The following GEMIN5 variants were observed in gnomAD, a reference collection of about 807,000 sequenced individuals.
GEMIN5 encodes gem-associated protein 5.
A neutral mutation model predicts 176.9 loss-of-function variants in GEMIN5; 124 were observed. That is an observed-to-expected ratio of 0.70 (90% CI 0.61 to 0.81). The LOEUF (loss-of-function observed/expected upper bound fraction) is 0.81. GEMIN5 is among the 40% of genes least tolerant of loss of function. The pLI, the probability that GEMIN5 is intolerant of heterozygous loss-of-function variation, is 0.00. For synonymous variants in GEMIN5, 673 were observed against 665.2 expected (o/e 1.01, Z -0.18); for missense variants, 1,843 against 1,814.6 (o/e 1.02, Z -0.28).
rs192395528 is a variant in GEMIN5 at position 154,925,145 on chromosome 5, G to A, written c.1294-591C>T. 8.6e-5 allele frequency among the ~76,000 whole-genome samples: 13 copies of A among 152,016 alleles called. No homozygotes were observed. The East Asian group carries it at 1.4e-3, about 16-fold the overall frequency. ...GAAAAAAACAAATGAGTTCAAATAC[G>A]TAAATGATATGCATTATACACTGTC... On this transcript the variant is annotated intron_variant, in intron 8 of 27. Transcript: ENST00000285873.
chr5:154,890,064 G>A (rs1207199396), intron 26 of GEMIN5, among the ~76,000 whole-genome samples: 1 of 152,226 alleles, frequency 6.6e-6, no homozygotes, highest in Non-Finnish European at 1.5e-5. Context: ...CACAGTGGCT[G>A]CATCATTTTA....
Position 154,891,406 on chromosome 5 carries a change from C to G in GEMIN5, c.4097G>C (p.Ser1366Thr). 6.2e-7 allele frequency: 1 copy of G among 1,614,148 alleles called. No homozygotes were observed. Among genetic ancestry groups the G allele is most frequent in the South Asian group, 1.1e-5 (1 of 91,086 alleles). The change falls in exon 26 of 28, where the codon AGT becomes ACT. Residue 1366 changes from serine to threonine, a missense_variant. By Grantham distance (58) the Ser-to-Thr change is moderately conservative (BLOSUM62 1). Coordinates refer to ENST00000285873, the MANE Select transcript of GEMIN5 (RefSeq NM_015465.5). ...FKELFSEKHA[S>T]LQNSQRTVAE... ...AACAGTTCTCTGTGAGTTTTGGAGA[C>G]TGGCATGCTTTTCTGAAAAGAGCTC...
intron 16 of GEMIN5, among the ~76,000 whole-genome samples, chr5:154,906,719 A>C (rs994972934): frequency 2.0e-5 from 3 of 152,212 alleles, no homozygotes; most frequent in African/African-American, 7.2e-5. Context: ...TGATGAGCCA[A>C]AATAATAAAT....
chr5:154,921,530 T>C lies in GEMIN5; in HGVS notation c.1380-105A>G, dbSNP rs1305184205. 6.2e-6 allele frequency: 4 copies of C among 650,108 alleles called. No individual in the cohort carries two copies. The Admixed American group carries it at 9.7e-5, about 16-fold the overall frequency. 40.3% of individuals were successfully genotyped at this position (650,108 alleles called of 1,614,324 possible). A position where few individuals can be genotyped will look rare whatever the true frequency, so the allele number is the denominator to read the frequency against. On this transcript the variant is annotated intron_variant, in intron 9 of 27. Transcript: ENST00000285873. Reference sequence around the variant, plus strand: ...AGGTCCCCATTATAAACATAACTACTAATAATTGGAGAAAAATAATTCAAC... The same window carrying C: ...AGGTCCCCATTATAAACATAACTACCAATAATTGGAGAAAAATAATTCAAC...
chr5:154,925,865 T>A lies in GEMIN5; in HGVS notation c.1290A>T (p.Thr430=). The A allele has an allele frequency of 6.3e-7, 1 of 1,590,412 alleles. No homozygotes were observed. Among genetic ancestry groups the A allele is most frequent in the South Asian group, 1.1e-5 (1 of 90,302 alleles). The change falls in exon 8 of 28, where the codon ACA becomes ACT. Residue 430 remains threonine, a synonymous_variant. Coordinates refer to ENST00000285873, the MANE Select transcript of GEMIN5 (RefSeq NM_015465.5). ...NFWQGVKSKV[T]ALCWHPTKEG... ...AGCTCAAAAAAAGAATCCTTACCGC[T>A]GTAACCTTGGACTTCACGCCTTGCC...
In GEMIN5 at chr5:154,932,110, T is replaced by C. The variant is rs762390787; in HGVS notation, c.650A>G (p.Glu217Gly). ...TAAACCATCTCTACCTGAAGTTTCCTCTTGGTTTATAGATAAACAATCTTC... is the reference window on the plus strand; with the variant it reads ...TAAACCATCTCTACCTGAAGTTTCCCCTTGGTTTATAGATAAACAATCTTC... ...PGEDCLSINQEETSEEAEITN... is the reference protein window; with the variant it reads ...PGEDCLSINQGETSEEAEITN... The change falls in exon 4 of 28, where the codon GAG (glutamate) becomes GGG (glycine). Residue 217 changes from glutamate (E) to glycine (G), a missense_variant. Transcript: ENST00000285873. 28 of 1,612,932 alleles carry C rather than the reference T, an allele frequency of 1.7e-5. No individual in the cohort carries two copies. The highest frequency in any genetic ancestry group is 2.2e-5 in the Non-Finnish European group (26 of 1,179,456).
intron 23 of GEMIN5, among the ~76,000 whole-genome samples, chr5:154,897,820 T>G (rs1034998381): frequency 2.0e-5 from 3 of 152,126 alleles, no homozygotes; most frequent in African/African-American, 7.2e-5. Context: ...AGGCCAACCA[T>G]TCTCTCTTCA....
Position 154,892,285 on chromosome 5 carries a change from A to G in GEMIN5, c.3760+102T>C. Reference sequence around the variant, plus strand: ...TCTACTAAAATGACACAGCTGGCCAATCTCCATCTTTTAAGAATCTAGGTA... The same window carrying G: ...TCTACTAAAATGACACAGCTGGCCAGTCTCCATCTTTTAAGAATCTAGGTA... On this transcript the variant is annotated intron_variant, in intron 25 of 27. Coordinates refer to ENST00000285873, the MANE Select transcript of GEMIN5 (RefSeq NM_015465.5). 6 of 933,490 alleles carry G rather than the reference A, an allele frequency of 6.4e-6. No homozygotes were observed. In the South Asian group the frequency reaches 1.1e-4, roughly 16 times the overall value. The allele number at this position is 933,490 out of a possible 1,614,324, so 57.8% of individuals were successfully genotyped here. A position where few individuals can be genotyped will look rare whatever the true frequency, so the allele number is the denominator to read the frequency against.
intron 23 of GEMIN5, among the ~76,000 whole-genome samples, chr5:154,897,400 G>T (rs539540624): frequency 1.3e-5 from 2 of 152,298 alleles, no homozygotes; most frequent in East Asian, 3.9e-4. Flanking sequence ...AATCTGTTTT[G>T]ATGTGTCAAA....
intron 4 of GEMIN5, 56 bp downstream of exon 4, chr5:154,932,043 C>T (rs1764179608): frequency 8.1e-7 from 1 of 1,230,094 alleles, no homozygotes; most frequent in Non-Finnish European, 1.2e-6. Flanking sequence ...TATAATTGTA[C>T]CCGTTCTGTT....
chr5:154,913,912 G>A (rs371371931), intron 13 of GEMIN5, among the ~76,000 whole-genome samples: 1 of 152,316 alleles, frequency 6.6e-6, no homozygotes, highest in South Asian at 2.1e-4. Context: ...GAGGTGGGAG[G>A]ACGGCTTGAG....
Position 154,889,302 on chromosome 5 carries a change from G to A in GEMIN5, c.4359+19C>T, listed in dbSNP as rs1175223285. ...CACAAAAAGTGATGCTTTACCAAAT[G>A]AACTGCTTTAACTCTTACCTTAATG... On this transcript the variant is annotated intron_variant, in intron 27 of 27. Transcript: ENST00000285873. The A allele has an allele frequency of 7.9e-7, 1 of 1,262,602 alleles. No homozygotes were observed. The highest frequency in any genetic ancestry group is 1.5e-5 in the African/African-American group (1 of 68,622). 78.2% of individuals were successfully genotyped at this position (1,262,602 alleles called of 1,614,324 possible).
At chr5:154,928,734 A>G (rs1764098048) in intron 5 of GEMIN5, 75 bp from the exon 6 acceptor site, 2 of 1,337,652 alleles carry the variant, frequency 1.5e-6, no homozygotes, top group Non-Finnish European at 2.1e-6. Context: ...GTGGTTCATA[A>G]CACACAGTCT....
At chr5:154,909,553 TACC>T (rs66512779) in intron 15 of GEMIN5, among the ~76,000 whole-genome samples, 126,597 of 151,690 alleles carry the variant, frequency 0.83, 53,483 homozygotes, top group Non-Finnish European at 0.91. Flanking sequence ...ACAAAGTACC[TACC>T]ACCACCACAA....
At chr5:154,906,785 T>G (rs1763577347) in intron 16 of GEMIN5, among the ~76,000 whole-genome samples, 1 of 152,216 alleles carries the variant, frequency 6.6e-6, no homozygotes. Flanking sequence ...AGCTATCCCT[T>G]GGGATGGAGA....
At chr5:154,896,052 A>G (rs776137751) in intron 24 of GEMIN5, 40 bp downstream of exon 24, 1 of 1,605,342 alleles carries the variant, frequency 6.2e-7, no homozygotes, top group East Asian at 2.2e-5. Flanking sequence ...AAGTCTTACC[A>G]CTGAGTGATT....
intron 16 of GEMIN5, among the ~76,000 whole-genome samples, chr5:154,905,825 C>T (rs1354733603): frequency 1.3e-5 from 2 of 151,914 alleles, no homozygotes; most frequent in East Asian, 1.9e-4. Flanking sequence ...TGAGCCTCGC[C>T]AGTAGCTGGC....
chr5:154,925,939 C>T lies in GEMIN5; in HGVS notation c.1216G>A (p.Val406Ile). ...TTCTTTATGGAGAGTGTATTCCATA[C>T]ACGGATCATGCCATCCCCAACACCT... ...AIGVGDGMIR[V>I]WNTLSIKNNY... The change falls in exon 8 of 28, where the codon GTA (valine) becomes ATA (isoleucine). Residue 406 changes from valine to isoleucine, a missense_variant. Coordinates refer to ENST00000285873, the MANE Select transcript of GEMIN5 (RefSeq NM_015465.5). 6.2e-7 allele frequency: 1 copy of T among 1,613,644 alleles called. No homozygotes were observed. Among genetic ancestry groups the T allele is most frequent in the East Asian group, 2.2e-5 (1 of 44,872 alleles).
rs1307404415 is a variant in GEMIN5, at chr5:154,917,987, G to A, written c.1617C>T (p.His539=). 4.3e-6 allele frequency: 7 copies of A among 1,610,190 alleles called. No homozygotes were observed. Among genetic ancestry groups the A allele is most frequent in the Non-Finnish European group, 5.9e-6 (7 of 1,176,830 alleles). ...CATCTGCTTTCCAACTTATCTCTGT[G>A]TGTACAGGCAATTTGTACTAGAAAG... ...TNSIKYKLPV[H]TEISWKADGK... Residue 539 remains histidine, a synonymous_variant, in exon 12 of 28, where the codon CAC becomes CAT. Transcript: ENST00000285873.
Sources: gnomAD v4.1 joint callset for allele counts (sites outside exome capture counted in the v4.1 genomes callset) on GRCh38, gnomAD v4.1.1 for gene constraint, MANE v1.5 for transcripts, NCBI Gene and HGNC (gene_info 2026-07-23, HGNC 2026-07-21) for gene names.